CNTNAP3: variants seen among roughly 807,000 people sequenced by gnomAD.
CNTNAP3 encodes contactin-associated protein-like 3.
In CNTNAP3, 36 loss-of-function variants were observed where a neutral mutation model predicts 92.1. That is an observed-to-expected ratio of 0.39 (90% CI 0.30 to 0.52). The LOEUF (loss-of-function observed/expected upper bound fraction) is 0.52, where lower values mean the gene tolerates loss of function less well. CNTNAP3 is among the 20% of genes least tolerant of loss of function. The pLI, the probability that CNTNAP3 is intolerant of heterozygous loss-of-function variation, is 0.76. For missense variants in CNTNAP3, 534 were observed against 1,069.6 expected, an observed-to-expected ratio of 0.50 and a Z score of 6.98; for synonymous variants, 232 against 422.3, an observed-to-expected ratio of 0.55 and a Z score of 5.53.
chr9:39,120,412 C>T (rs1406118822), intron 13 of CNTNAP3, among the ~76,000 whole-genome samples: 4 of 152,134 alleles, frequency 2.6e-5, no homozygotes, highest in Non-Finnish European at 5.9e-5. Context: ...CGGTGGCTCA[C>T]GCCTGTAATC....
At position 39,086,735 on chromosome 9, in the gene CNTNAP3, T is replaced by G. The variant is rs144374834; in HGVS notation, c.3335A>C (p.Glu1112Ala). The G allele has an allele frequency of 8.7e-6, 14 of 1,610,924 alleles. No individual in the cohort carries two copies. The African/African-American group carries it at 9.4e-5, about 11-fold the overall frequency. The change falls in exon 20 of 24, where the codon GAA becomes GCA. Residue 1112 changes from glutamate to alanine, a missense_variant. Transcript: ENST00000297668. ...GATTACCTCTACCATGACCACAGCTTCTTCTCTGTTAATCTTCACTTGGTG... is the reference window on the plus strand; with the variant it reads ...GATTACCTCTACCATGACCACAGCTGCTTCTCTGTTAATCTTCACTTGGTG... ...QLHQVKINRE[E>A]AVVMVEVNQS...
In CNTNAP3 at chr9:39,103,795, C is replaced by A. The variant is rs981063081; in HGVS notation, c.2485G>T (p.Val829Leu). 2.0e-5 allele frequency: 33 copies of A among 1,611,242 alleles called. No homozygotes were observed. The highest frequency in any genetic ancestry group is 2.5e-5 in the Non-Finnish European group (29 of 1,179,802). Residue 829 changes from valine (V) to leucine (L), a missense_variant, in exon 16 of 24, where the codon GTG (valine) becomes TTG (leucine). Physicochemically the swap from Val to Leu is conservative, Grantham distance 32. Transcript: ENST00000297668. ...FFFKTTVSSG[V>L]FMENLGITDF... The stretch of plus-strand genomic sequence containing the variant: ...GTGATCCCCAGGTTCTCCATAAACA[C>A]CCCGGAGGAAACTGTGGTCTTAAAA...
rs1356625496 is a variant in CNTNAP3 at position 39,076,243 on chromosome 9, T to C, written c.3745+2142A>G. Among the ~76,000 whole-genome samples, 21 of 152,402 alleles carry C rather than the reference T, an allele frequency of 1.4e-4. No homozygotes were observed. In the East Asian group the frequency reaches 3.9e-3, roughly 28 times the overall value. On this transcript the variant is annotated intron_variant, in intron 23 of 23. Coordinates refer to ENST00000297668, the MANE Select transcript of CNTNAP3 (RefSeq NM_033655.5). The stretch of plus-strand genomic sequence containing the variant: ...CATTTCCTTCTCACCAAAAGCTGGG[T>C]ACTAACCCTGACATTGTGTAAACGT...
At chr9:39,139,099 A>G (rs1265995520) in intron 12 of CNTNAP3, among the ~76,000 whole-genome samples, 1 of 152,176 alleles carries the variant, frequency 6.6e-6, no homozygotes, top group Non-Finnish European at 1.5e-5. Flanking sequence ...TACTGGCTAT[A>G]GCGCAATGGG....
intron 8 of CNTNAP3, among the ~76,000 whole-genome samples, chr9:39,168,517 C>G (rs371298974): frequency 1.4e-5 from 1 of 70,462 alleles, no homozygotes; most frequent in South Asian, 6.2e-4. Flanking sequence ...CTTACTGATT[C>G]TCTCATAAAC....
intron 11 of CNTNAP3, among the ~76,000 whole-genome samples, chr9:39,142,951 G>A (rs1305839594): frequency 3.3e-5 from 5 of 151,972 alleles, no homozygotes; most frequent in Non-Finnish European, 5.9e-5. Flanking sequence ...AACTCAGGAT[G>A]AGCAAGTGGA....
chr9:39,088,154 A>G (rs2118427072), intron 19 of CNTNAP3, among the ~76,000 whole-genome samples: 1 of 152,148 alleles, frequency 6.6e-6, no homozygotes, highest in Non-Finnish European at 1.5e-5. Context: ...ATGTACTATT[A>G]AAGTCATCCT....
intron 21 of CNTNAP3, among the ~76,000 whole-genome samples, chr9:39,084,698 A>T (rs1826028161): frequency 1.3e-5 from 2 of 152,184 alleles, no homozygotes; most frequent in African/African-American, 4.8e-5. Context: ...ATAAAATTGT[A>T]GTTTTGGTAT....
intron 13 of CNTNAP3, among the ~76,000 whole-genome samples, chr9:39,125,336 C>T (rs1301888870): frequency 6.6e-6 from 1 of 151,160 alleles, no homozygotes; most frequent in Non-Finnish European, 1.5e-5. Flanking sequence ...GGAAGGGGAA[C>T]ATCACACACT....
At chr9:39,113,991 T>G (rs1243799383) in intron 14 of CNTNAP3, among the ~76,000 whole-genome samples, 1 of 146,908 alleles carries the variant, frequency 6.8e-6, no homozygotes, top group Non-Finnish European at 1.5e-5. Flanking sequence ...CACATATATA[T>G]ACACACACAC....
At chr9:39,139,334 C>T (rs1015833947) in intron 12 of CNTNAP3, among the ~76,000 whole-genome samples, 2 of 152,064 alleles carry the variant, frequency 1.3e-5, no homozygotes, top group Non-Finnish European at 1.5e-5. Flanking sequence ...TCTCACTTTG[C>T]TTTCATTGTT....
Position 39,144,324 on chromosome 9 carries a change from G to A in CNTNAP3, c.1672C>T (p.His558Tyr). ...TDRCLPSYCEHGGECSQSWDT... is the reference protein window; with the variant it reads ...TDRCLPSYCEYGGECSQSWDT... Reference sequence around the variant, plus strand: ...CACGACTGGGAACACTCGCCCCCATGCTCACAGTAGCTGGGCAAGCACCTA... The same window carrying A: ...CACGACTGGGAACACTCGCCCCCATACTCACAGTAGCTGGGCAAGCACCTA... Residue 558 changes from histidine to tyrosine, a missense_variant, in exon 11 of 24, where the codon CAT (histidine) becomes TAT (tyrosine). His to Tyr is a moderately conservative substitution (Grantham distance 83). Transcript: ENST00000297668. 1 of 1,564,348 alleles carries A rather than the reference G, an allele frequency of 6.4e-7. No homozygotes were observed. The highest frequency in any genetic ancestry group is 2.4e-5 in the East Asian group (1 of 42,504).
rs1421522549 is a variant in CNTNAP3, at chr9:39,107,280, G to GAGAA, written c.2365+1876_2365+1879dup. Among the ~76,000 whole-genome samples the GAGAA allele has an allele frequency of 2.0e-5, 3 of 150,934 alleles. No homozygotes were observed. The South Asian group carries it at 6.3e-4, about 32-fold the overall frequency. ...AAAAGAAAGAAAGAAAAGAAAGAGA[G>GAGAA]AGAAAGAAAGAAGAGAGGGAGGGAG... On this transcript the variant is annotated intron_variant, in intron 15 of 23. Transcript: ENST00000297668.
intron 2 of CNTNAP3, among the ~76,000 whole-genome samples, chr9:39,260,525 C>T (rs1822866182): frequency 5.6e-5 from 1 of 17,776 alleles, no homozygotes; most frequent in Non-Finnish European, 1.1e-4. Flanking sequence ...ACCATCCTGG[C>T]TAACATGGTG....
intron 18 of CNTNAP3, among the ~76,000 whole-genome samples, chr9:39,091,003 A>C (rs1040771091): frequency 6.6e-6 from 1 of 152,120 alleles, no homozygotes; most frequent in African/African-American, 2.4e-5. Context: ...AATGTGTAGA[A>C]ATACAATTGA....
chr9:39,111,207 T>G (rs999395827), intron 14 of CNTNAP3, among the ~76,000 whole-genome samples: 1 of 151,636 alleles, frequency 6.6e-6, no homozygotes, highest in African/African-American at 2.4e-5. Context: ...TCTGGCTATT[T>G]TGAAATATCC....
intron 20 of CNTNAP3, chr9:39,086,081 A>T (rs1826056076): frequency 3.6e-6 from 2 of 552,284 alleles, no homozygotes; most frequent in Non-Finnish European, 6.6e-6. Flanking sequence ...TAATGGAAGG[A>T]TCTATAATTG....
chr9:39,129,551 G>C (rs1436414605), intron 13 of CNTNAP3, among the ~76,000 whole-genome samples: 3 of 152,218 alleles, frequency 2.0e-5, no homozygotes, highest in East Asian at 3.9e-4. Flanking sequence ...AAAAATCTTT[G>C]GAATTGGAAT....
chr9:39,103,402 G>C lies in CNTNAP3; in HGVS notation c.2536+342C>G, dbSNP rs2778221. Among the ~76,000 whole-genome samples, 10 of 152,016 alleles carry C rather than the reference G, an allele frequency of 6.6e-5. No homozygotes were observed. The South Asian group carries it at 1.5e-3, about 22-fold the overall frequency. ...TTGAAGACCAGCCTGGTCAACATGG[G>C]AAAACCCCACCTCTACCAAAAATAC... is the stretch of plus-strand genomic sequence containing the variant. On this transcript the variant is annotated intron_variant, in intron 16 of 23. Coordinates refer to ENST00000297668, the MANE Select transcript of CNTNAP3 (RefSeq NM_033655.5).
Sources: gnomAD v4.1 joint callset for allele counts (sites outside exome capture counted in the v4.1 genomes callset) on GRCh38, gnomAD v4.1.1 for gene constraint, MANE v1.5 for transcripts, NCBI Gene and HGNC (gene_info 2026-07-23, HGNC 2026-07-21) for gene names.